MAGI2: variants seen among roughly 807,000 people sequenced by gnomAD.
The protein encoded by MAGI2 is membrane associated guanylate kinase, WW and PDZ domain containing 2, also known as membrane-associated guanylate kinase, WW and PDZ domain-containing protein 2.
Under a neutral mutation model 133.3 loss-of-function variants are expected in MAGI2, and 35 were observed. That is an observed-to-expected ratio of 0.26 (90% confidence interval 0.20 to 0.35). The LOEUF (loss-of-function observed/expected upper bound fraction) is 0.35. Among genes scored for constraint, MAGI2 ranks in the 10% least tolerant of loss-of-function variants. The pLI is 1.00. For missense variants in MAGI2, 1,636 were observed against 1,863.4 expected (o/e 0.88, Z 2.25); for synonymous variants, 729 against 710.6 (o/e 1.03, Z -0.41).
intron 2 of MAGI2, among the ~76,000 whole-genome samples, chr7:78,869,535 A>C (rs1441826490): frequency 1.3e-5 from 2 of 152,184 alleles, no homozygotes; most frequent in Non-Finnish European, 2.9e-5. Context: ...AGACTGGGTA[A>C]TTTATAAAGG....
intron 9 of MAGI2, among the ~76,000 whole-genome samples, chr7:78,323,694 C>G (rs1788250814): frequency 6.6e-6 from 1 of 152,138 alleles, no homozygotes; most frequent in African/African-American, 2.4e-5. Flanking sequence ...CATCAACAAT[C>G]AAGTGAAATC....
chr7:79,220,751 T>A (rs1178873003), intron 1 of MAGI2, among the ~76,000 whole-genome samples: 1 of 152,108 alleles, frequency 6.6e-6, no homozygotes, highest in Non-Finnish European at 1.5e-5. Flanking sequence ...TTGAAACTTG[T>A]GTGTCTTAAC....
chr7:78,160,231 G>T lies in MAGI2; in HGVS notation c.2639C>A (p.Ser880Tyr). 1 of 1,609,292 alleles carries T rather than the reference G, an allele frequency of 6.2e-7. No homozygotes were observed. The highest frequency in any genetic ancestry group is 1.1e-5 in the South Asian group (1 of 89,640). ...ACTGCGTGGAGAGCTGTGGTGGGTGGATACAGAGCCTGGACTTCTCCCGTT... is the reference window on the plus strand; with the variant it reads ...ACTGCGTGGAGAGCTGTGGTGGGTGTATACAGAGCCTGGACTTCTCCCGTT... ...PENGRSPGSV[S>Y]THHSSPRSDY... Residue 880 changes from serine (S) to tyrosine (Y), a missense_variant, in exon 16 of 22, where the codon TCC (serine) becomes TAC (tyrosine). Ser to Tyr is a moderately radical substitution (Grantham distance 144, BLOSUM62 -2). This residue lies in a region of MAGI2 where 920 missense variants were observed against 1,093.5 expected (regional missense o/e 0.84). Coordinates refer to ENST00000354212, the MANE Select transcript of MAGI2 (RefSeq NM_012301.4).
intron 6 of MAGI2, among the ~76,000 whole-genome samples, chr7:78,377,686 A>T (rs532717215): frequency 1.3e-5 from 2 of 151,892 alleles, no homozygotes; most frequent in African/African-American, 4.8e-5. Flanking sequence ...TAAAAAAGGC[A>T]TCCACTGAGG....
At chr7:79,380,496 T>G (rs923145928) in intron 1 of MAGI2, among the ~76,000 whole-genome samples, 4 of 151,792 alleles carry the variant, frequency 2.6e-5, no homozygotes, top group Non-Finnish European at 5.9e-5. Flanking sequence ...GTTCTTGAAT[T>G]CAACATGTAA....
At chr7:78,730,767 A>G (rs996444839) in intron 2 of MAGI2, among the ~76,000 whole-genome samples, 1 of 152,148 alleles carries the variant, frequency 6.6e-6, no homozygotes, top group African/African-American at 2.4e-5. Flanking sequence ...ACATTAAGAT[A>G]TATTATATAC....
chr7:79,285,900 G>A (rs887814966), intron 1 of MAGI2, among the ~76,000 whole-genome samples: 5 of 152,076 alleles, frequency 3.3e-5, no homozygotes. Context: ...TAATGTATAT[G>A]TTCAATAAAT....
intron 2 of MAGI2, among the ~76,000 whole-genome samples, chr7:78,656,023 T>C (rs1245790919): frequency 7.1e-6 from 1 of 140,670 alleles, no homozygotes; most frequent in Non-Finnish European, 1.6e-5. Context: ...TTTGAAAAAA[T>C]TGCTATTGCA....
chr7:78,907,855 G>A (rs754514324), intron 2 of MAGI2, among the ~76,000 whole-genome samples: 2 of 151,890 alleles, frequency 1.3e-5, no homozygotes, highest in Non-Finnish European at 2.9e-5. Context: ...AGATAAAACA[G>A]GATACAAACA....
chr7:78,719,088 T>C (rs1023642378), intron 2 of MAGI2, among the ~76,000 whole-genome samples: 3 of 152,172 alleles, frequency 2.0e-5, no homozygotes, highest in African/African-American at 4.8e-5. Flanking sequence ...AATATCTAGA[T>C]TTACCTGAAG....
In MAGI2 at chr7:78,273,095, T is replaced by G. The variant is rs147934986; in HGVS notation, c.1409-16514A>C. ...GGCTGCTACCAGTTGATCCTTTCCA[T>G]GTTTAGTGCTTCCTTCAGGAGCTCT... On this transcript the variant is annotated intron_variant, in intron 9 of 21. Transcript: ENST00000354212. 3.0e-3 allele frequency among the ~76,000 whole-genome samples: 451 copies of G among 152,280 alleles called. 2 individuals carry two copies. The highest frequency in any genetic ancestry group is 0.01 in the African/African-American group (420 of 41,542).
intron 2 of MAGI2, among the ~76,000 whole-genome samples, chr7:78,678,525 C>T (rs1191020027): frequency 6.6e-6 from 1 of 152,090 alleles, no homozygotes; most frequent in African/African-American, 2.4e-5. Flanking sequence ...AGTCAACCCC[C>T]TTCCTTCTGT....
chr7:78,428,008 C>T (rs981635539), intron 6 of MAGI2, among the ~76,000 whole-genome samples: 13 of 152,134 alleles, frequency 8.5e-5, no homozygotes, highest in African/African-American at 2.4e-4. Context: ...ACAATCCAAA[C>T]GCATAAATGA....
At chr7:78,267,942 G>A (rs1210318448) in intron 9 of MAGI2, among the ~76,000 whole-genome samples, 1 of 152,156 alleles carries the variant, frequency 6.6e-6, no homozygotes, top group Non-Finnish European at 1.5e-5. Context: ...ATATGATACT[G>A]AAGCTGACTG....
chr7:79,093,597 T>G (rs1817258245), intron 1 of MAGI2, among the ~76,000 whole-genome samples: 1 of 152,158 alleles, frequency 6.6e-6, no homozygotes, highest in Non-Finnish European at 1.5e-5. Context: ...TCTTGCTGGT[T>G]AGAGAGTCTT....
intron 2 of MAGI2, among the ~76,000 whole-genome samples, chr7:78,685,466 GT>G (rs5885086): frequency 0.064 from 9,092 of 141,466 alleles, 357 homozygotes; most frequent in East Asian, 0.13. Flanking sequence ...TGTCATTGTC[GT>G]TTTTTTTTTT....
chr7:78,031,037 A>G (rs118103824), intron 21 of MAGI2, among the ~76,000 whole-genome samples: 1,815 of 152,350 alleles, frequency 0.012, 31 homozygotes, highest in East Asian at 0.079. Context: ...CAGCTATGAG[A>G]TGGAACAAGC....
chr7:78,539,299 T>C (rs1798219160), intron 3 of MAGI2, among the ~76,000 whole-genome samples: 1 of 152,184 alleles, frequency 6.6e-6, no homozygotes, highest in Non-Finnish European at 1.5e-5. Flanking sequence ...TAATTCTGTT[T>C]ATGTGGTGTA....
chr7:78,562,526 A>G (rs1051978327), intron 3 of MAGI2, among the ~76,000 whole-genome samples: 2 of 152,244 alleles, frequency 1.3e-5, no homozygotes, highest in Non-Finnish European at 2.9e-5. Context: ...GCAAAAAGGC[A>G]TCTGCTATTT....
Sources: gnomAD v4.1 joint callset for allele counts (sites outside exome capture counted in the v4.1 genomes callset) on GRCh38, gnomAD v4.1.1 for gene constraint, gnomAD v4.1.1 regional missense constraint, MANE v1.5 for transcripts, NCBI Gene and HGNC (gene_info 2026-07-23, HGNC 2026-07-21) for gene names.